PTPRO: variants seen among roughly 807,000 people sequenced by gnomAD.
The protein encoded by PTPRO is protein tyrosine phosphatase receptor type O.
In PTPRO, 62 loss-of-function variants were observed where a neutral mutation model predicts 145.2. The ratio of observed to expected loss-of-function variants is 0.43; its 90% CI spans 0.35 to 0.53. The LOEUF (loss-of-function observed/expected upper bound fraction) is 0.53, where lower values mean the gene tolerates loss of function less well. PTPRO is among the 20% of genes least tolerant of loss of function. The pLI is 0.01. For synonymous variants in PTPRO, 565 were observed against 514.7 expected (o/e 1.10, Z -1.32); for missense variants, 1,345 against 1,482.7 (o/e 0.91, Z 1.53).
intron 12 of PTPRO, among the ~76,000 whole-genome samples, chr12:15,537,537 A>G (rs934686051): frequency 2.6e-5 from 4 of 152,300 alleles, no homozygotes; most frequent in Middle Eastern, 3.4e-3. Flanking sequence ...AGAATTGACC[A>G]CTGATCTTAG....
intron 1 of PTPRO, among the ~76,000 whole-genome samples, chr12:15,332,943 G>A (rs917899976): frequency 6.6e-6 from 1 of 152,184 alleles, no homozygotes; most frequent in African/African-American, 2.4e-5. Context: ...GATAAAATGT[G>A]AGAAGCTTGT....
intron 2 of PTPRO, among the ~76,000 whole-genome samples, chr12:15,485,414 C>A (rs750934272): frequency 6.6e-6 from 1 of 152,162 alleles, no homozygotes; most frequent in Non-Finnish European, 1.5e-5. Flanking sequence ...ATTTAGGCAG[C>A]AGATATAGGC....
intron 1 of PTPRO, among the ~76,000 whole-genome samples, chr12:15,447,854 G>A (rs968303867): frequency 2.6e-5 from 4 of 152,062 alleles, no homozygotes; most frequent in Non-Finnish European, 5.9e-5. Flanking sequence ...AATTCATCAG[G>A]TTCATTTCCA....
chr12:15,594,497 CCACA>C lies in PTPRO; in HGVS notation c.3547-425_3547-422del, dbSNP rs779321956. On this transcript the variant is annotated intron_variant, in intron 25 of 26. Transcript: ENST00000281171. ...GGAAAGTAGATCTTAAGTGTTCTCA[CCACA>C]CACACACACACACAAATATATATAC... 4.7e-5 allele frequency among the ~76,000 whole-genome samples: 7 copies of C among 148,968 alleles called. No individual in the cohort carries two copies. In the East Asian group the frequency reaches 5.9e-4, roughly 12 times the overall value.
rs1944684662 is a variant in PTPRO at position 15,597,698 on chromosome 12, G to T, written c.*1625G>T. On this transcript the variant is annotated 3_prime_UTR_variant, in exon 27 of 27. Coordinates refer to ENST00000281171, the MANE Select transcript of PTPRO (RefSeq NM_030667.3). ...CCTTGCAGGGTGAATGGCAGAGGAT[G>T]CCCATACCCTGCAGGTTAACAGCTT... is the stretch of plus-strand genomic sequence containing the variant. Among the ~76,000 whole-genome samples the T allele has an allele frequency of 6.6e-6, 1 of 152,180 alleles. No homozygotes were observed. The highest frequency in any genetic ancestry group is 2.4e-5 in the African/African-American group (1 of 41,430).
chr12:15,558,850 A>T (rs1460587321), intron 16 of PTPRO, among the ~76,000 whole-genome samples: 1 of 152,200 alleles, frequency 6.6e-6, no homozygotes, highest in African/African-American at 2.4e-5. Flanking sequence ...TCTTTTAATA[A>T]GGCAATATGT....
chr12:15,492,008 C>G (rs920423454), intron 2 of PTPRO, among the ~76,000 whole-genome samples: 1 of 152,184 alleles, frequency 6.6e-6, no homozygotes, highest in Non-Finnish European at 1.5e-5. Context: ...GACACATATT[C>G]ATCTTACTAC....
In PTPRO at chr12:15,574,058, G is replaced by A. The variant is rs191890397; in HGVS notation, c.2829+4560G>A. ...TTGTATTCATTTTGATACTGACATTGAAATATCACATTCACATTGAGAAAT... is the reference window on the plus strand; with the variant it reads ...TTGTATTCATTTTGATACTGACATTAAAATATCACATTCACATTGAGAAAT... On this transcript the variant is annotated intron_variant, in intron 19 of 26. Transcript: ENST00000281171. 2.5e-4 allele frequency among the ~76,000 whole-genome samples: 38 copies of A among 152,248 alleles called. No individual in the cohort carries two copies. In the East Asian group the frequency reaches 5.4e-3, roughly 22 times the overall value.
At chr12:15,385,103 C>T (rs184092203) in intron 1 of PTPRO, among the ~76,000 whole-genome samples, 83 of 152,216 alleles carry the variant, frequency 5.5e-4, no homozygotes, top group African/African-American at 2.0e-3. Flanking sequence ...GATTTCCATA[C>T]AATAATCCAT....
chr12:15,516,500 G>GA (rs1424824807), intron 8 of PTPRO, among the ~76,000 whole-genome samples: 5 of 118,384 alleles, frequency 4.2e-5, no homozygotes, highest in African/African-American at 9.2e-5. Flanking sequence ...AGGAAAGAAA[G>GA]AAAAGAAAGA....
chr12:15,422,443 G>T (rs939848309), intron 1 of PTPRO, among the ~76,000 whole-genome samples: 1 of 152,086 alleles, frequency 6.6e-6, no homozygotes, highest in East Asian at 1.9e-4. Context: ...CTCCATAATT[G>T]AGTGCCAACT....
intron 1 of PTPRO, among the ~76,000 whole-genome samples, chr12:15,387,152 C>T (rs1242989792): frequency 6.6e-6 from 1 of 152,118 alleles, no homozygotes; most frequent in Non-Finnish European, 1.5e-5. Context: ...AAGAAAAACA[C>T]TGCTTCCATC....
intron 16 of PTPRO, among the ~76,000 whole-genome samples, chr12:15,558,018 T>C (rs953836548): frequency 6.6e-6 from 1 of 152,146 alleles, no homozygotes; most frequent in African/African-American, 2.4e-5. Flanking sequence ...CACTGCAATC[T>C]CTGCCTCCTG....
At chr12:15,431,388 A>G (rs1225624458) in intron 1 of PTPRO, among the ~76,000 whole-genome samples, 1 of 152,190 alleles carries the variant, frequency 6.6e-6, no homozygotes, top group Non-Finnish European at 1.5e-5. Context: ...ACTATACCAT[A>G]TAATTATTTA....
intron 19 of PTPRO, among the ~76,000 whole-genome samples, chr12:15,578,208 T>C (rs1280523845): frequency 6.6e-6 from 1 of 152,132 alleles, no homozygotes; most frequent in Non-Finnish European, 1.5e-5. Flanking sequence ...CTAAGGCTCA[T>C]TGCCTACAAG....
rs113605455 is a variant in PTPRO, at chr12:15,416,571, G to A, written c.76-67403G>A. 7.9e-5 allele frequency among the ~76,000 whole-genome samples: 12 copies of A among 151,410 alleles called. 1 individual carries two copies. The highest frequency in any genetic ancestry group is 2.9e-4 in the African/African-American group (12 of 40,876). On this transcript the variant is annotated intron_variant, in intron 1 of 26. Coordinates refer to ENST00000281171, the MANE Select transcript of PTPRO (RefSeq NM_030667.3). ...CCTGACCTCATGATCTGCCTGCCTC[G>A]GCCTCCCAAAGTGCTGGGATTACAG...
intron 1 of PTPRO, among the ~76,000 whole-genome samples, chr12:15,427,436 A>T (rs1016526624): frequency 6.6e-6 from 1 of 151,892 alleles, no homozygotes; most frequent in Non-Finnish European, 1.5e-5. Flanking sequence ...TAATGTTTGC[A>T]TGTCTGTCTT....
chr12:15,429,863 A>G (rs1417541333), intron 1 of PTPRO, among the ~76,000 whole-genome samples: 11 of 152,184 alleles, frequency 7.2e-5, no homozygotes, highest in Non-Finnish European at 1.5e-4. Flanking sequence ...ATTAAAAACA[A>G]TAGAACCTGA....
chr12:15,475,148 C>G (rs1591634136), intron 1 of PTPRO, among the ~76,000 whole-genome samples: 1 of 152,192 alleles, frequency 6.6e-6, no homozygotes, highest in East Asian at 1.9e-4. Flanking sequence ...AAACACTTTA[C>G]AAAATTGAGT....
Sources: allele counts gnomAD v4.1 joint callset (sites outside exome capture counted in the v4.1 genomes callset), GRCh38; gene constraint gnomAD v4.1.1; transcripts MANE v1.5; gene names NCBI Gene and HGNC (gene_info 2026-07-23, HGNC 2026-07-21).